Variants in GAB1 observed in about 807,000 individuals in gnomAD.
GAB1 encodes the protein GRB2 associated binding protein 1, also known as GRB2-associated-binding protein 1.
GAB1 carries 19 observed loss-of-function variants against 66.5 expected under a neutral mutation model. That is an observed-to-expected ratio of 0.29 (90% confidence interval 0.20 to 0.42). The LOEUF (loss-of-function observed/expected upper bound fraction) is 0.42, where lower values mean the gene tolerates loss of function less well. GAB1 is among the 10% of genes least tolerant of loss of function. The pLI, the probability that GAB1 is intolerant of heterozygous loss-of-function variation, is 1.00. For missense variants in GAB1, 732 were observed against 858.5 expected, an observed-to-expected ratio of 0.85 and a Z score of 1.84; for synonymous variants, 294 against 301.4, an observed-to-expected ratio of 0.98 and a Z score of 0.25.
At chr4:143,371,795 A>G (rs1481380516) in intron 1 of GAB1, among the ~76,000 whole-genome samples, 2 of 141,308 alleles carry the variant, frequency 1.4e-5, no homozygotes, top group Non-Finnish European at 3.1e-5. Context: ...AACACCATTT[A>G]TTAAATAGGG....
rs1210808359 is a variant in GAB1 at position 143,438,085 on chromosome 4, A to G, written c.680A>G (p.Gln227Arg). The change falls in exon 4 of 10, where the codon CAG becomes CGG. Residue 227 changes from glutamine to arginine, a missense_variant. Around this residue, in one of 4 missense-constraint regions of GAB1, gnomAD observed 427 missense variants for 420.6 expected, o/e 1.02. Coordinates refer to ENST00000262994, the MANE Select transcript of GAB1 (RefSeq NM_002039.4). ...VPSHKNPASS[Q>R]SKHGMNGFFQ... Reference sequence around the variant, plus strand: ...TCTCATAAAAATCCTGCTTCCTCCCAGAGCAAACATGGAATGAATGGCTTT... The same window carrying G: ...TCTCATAAAAATCCTGCTTCCTCCCGGAGCAAACATGGAATGAATGGCTTT... The G allele has an allele frequency of 1.2e-6, 2 of 1,613,994 alleles. No homozygotes were observed. Among genetic ancestry groups the G allele is most frequent in the African/African-American group, 1.3e-5 (1 of 74,904 alleles).
intron 1 of GAB1, among the ~76,000 whole-genome samples, chr4:143,392,010 G>T (rs1362845172): frequency 1.3e-5 from 2 of 152,186 alleles, no homozygotes; most frequent in African/African-American, 4.8e-5. Flanking sequence ...CACATGGTAT[G>T]TTTTAAAATC....
intron 2 of GAB1, chr4:143,424,954 TAAAAAAAGA>T (rs997952806): frequency 2.3e-5 from 13 of 564,584 alleles, no homozygotes; most frequent in Non-Finnish European, 3.6e-5. Flanking sequence ...ACTCCGACTT[TAAAAAAAGA>T]AAAAAAAAGG....
chr4:143,396,020 G>A (rs1399982883), intron 1 of GAB1: 8 of 454,700 alleles, frequency 1.8e-5, no homozygotes, highest in Non-Finnish European at 2.7e-5. Context: ...GGGGACCCAG[G>A]AAAGGGGAGG....
At position 143,336,929 on chromosome 4, in the gene GAB1, G is replaced by A. The variant is rs1728670207; in HGVS notation, c.-260G>A. On this transcript the variant is annotated 5_prime_UTR_variant, in exon 1 of 10. Coordinates refer to ENST00000262994, the MANE Select transcript of GAB1 (RefSeq NM_002039.4). ...AGGCAGCTGGCGAGACGGCACGTCTGGAGGCGAGGCGGGCGCACTGAAAGG... is the reference window on the plus strand; with the variant it reads ...AGGCAGCTGGCGAGACGGCACGTCTAGAGGCGAGGCGGGCGCACTGAAAGG... 1 of 474,040 alleles carries A rather than the reference G, an allele frequency of 2.1e-6. No homozygotes were observed. Among genetic ancestry groups the A allele is most frequent in the Non-Finnish European group, 3.7e-6 (1 of 267,588 alleles). The allele number at this position is 474,040 out of a possible 1,614,324, so 29.4% of individuals were successfully genotyped here.
intron 1 of GAB1, among the ~76,000 whole-genome samples, chr4:143,377,828 T>C (rs940372248): frequency 3.3e-5 from 5 of 152,234 alleles, no homozygotes; most frequent in Admixed American, 3.3e-4. Context: ...TGTCTGTATA[T>C]GTTTAAATGA....
At chr4:143,404,202 A>G (rs1578661974) in intron 1 of GAB1, among the ~76,000 whole-genome samples, 1 of 152,270 alleles carries the variant, frequency 6.6e-6, no homozygotes, top group African/African-American at 2.4e-5. Flanking sequence ...TGAACAAGAA[A>G]TGGAATTTAG....
chr4:143,457,892 C>T, intron 6 of GAB1: 1 of 598,392 alleles, frequency 1.7e-6, no homozygotes, highest in Non-Finnish European at 2.9e-6. Flanking sequence ...TAAAACTTTC[C>T]TGCACATTAT....
intron 1 of GAB1, among the ~76,000 whole-genome samples, chr4:143,342,651 G>A (rs933838423): frequency 2.7e-5 from 4 of 145,890 alleles, no homozygotes; most frequent in Admixed American, 2.1e-4. Context: ...TCCATCTCCC[G>A]GATTTAACTG....
At chr4:143,384,059 CA>C (rs1730779784) in intron 1 of GAB1, among the ~76,000 whole-genome samples, 2 of 151,552 alleles carry the variant, frequency 1.3e-5, no homozygotes, top group Non-Finnish European at 2.9e-5. Flanking sequence ...GGTGACAGAG[CA>C]AGACCTTGTC....
At chr4:143,341,768 T>C (rs543961955) in intron 1 of GAB1, among the ~76,000 whole-genome samples, 1 of 152,142 alleles carries the variant, frequency 6.6e-6, no homozygotes, top group Non-Finnish European at 1.5e-5. Flanking sequence ...ACATCTGACA[T>C]GGAGGAGAGG....
intron 1 of GAB1, among the ~76,000 whole-genome samples, chr4:143,400,551 C>G (rs955892010): frequency 6.6e-6 from 1 of 152,026 alleles, no homozygotes; most frequent in African/African-American, 2.4e-5. Flanking sequence ...GGGAGGCTAG[C>G]TGAAGACTTT....
intron 1 of GAB1, among the ~76,000 whole-genome samples, chr4:143,348,863 T>C (rs1729075845): frequency 6.6e-6 from 1 of 152,136 alleles, no homozygotes; most frequent in Non-Finnish European, 1.5e-5. Flanking sequence ...CTGAGATCTC[T>C]CTCTCCGGGC....
At chr4:143,452,862 C>A (rs1186063154) in intron 6 of GAB1, among the ~76,000 whole-genome samples, 3 of 152,144 alleles carry the variant, frequency 2.0e-5, no homozygotes, top group Non-Finnish European at 4.4e-5. Flanking sequence ...CACATGAGTT[C>A]TCTATTTATT....
intron 1 of GAB1, among the ~76,000 whole-genome samples, chr4:143,375,389 C>T (rs1179299466): frequency 6.6e-6 from 1 of 152,190 alleles, no homozygotes; most frequent in African/African-American, 2.4e-5. Flanking sequence ...AATGTGTGCA[C>T]TTTGCAAACC....
intron 8 of GAB1, among the ~76,000 whole-genome samples, chr4:143,463,949 A>G (rs968078435): frequency 6.6e-6 from 1 of 152,228 alleles, no homozygotes; most frequent in Admixed American, 6.5e-5. Flanking sequence ...TTACAAATTT[A>G]TGCATTTCTT....
intron 1 of GAB1, among the ~76,000 whole-genome samples, chr4:143,372,183 T>G (rs774801430): frequency 2.6e-5 from 4 of 152,134 alleles, no homozygotes; most frequent in Non-Finnish European, 4.4e-5. Flanking sequence ...AGATGTATCT[T>G]GTTCCATTGT....
chr4:143,457,615 T>A (rs1266114253), intron 6 of GAB1: 10 of 497,648 alleles, frequency 2.0e-5, no homozygotes, highest in South Asian at 1.4e-4. Context: ...TTTTTTTTTT[T>A]ACAGAATCCA....
At chr4:143,354,148 A>C (rs1299986118) in intron 1 of GAB1, among the ~76,000 whole-genome samples, 1 of 152,126 alleles carries the variant, frequency 6.6e-6, no homozygotes, top group Non-Finnish European at 1.5e-5. Context: ...TGTACCCTGC[A>C]CTTTGAAGAC....
Sources: gnomAD v4.1 joint callset for allele counts (sites outside exome capture counted in the v4.1 genomes callset) on GRCh38, gnomAD v4.1.1 for gene constraint, gnomAD v4.1.1 regional missense constraint, MANE v1.5 for transcripts, NCBI Gene and HGNC (gene_info 2026-07-23, HGNC 2026-07-21) for gene names.